WWP2: variants seen among roughly 807,000 people sequenced by gnomAD.
WWP2 encodes NEDD4-like E3 ubiquitin-protein ligase WWP2.
Under a neutral mutation model 121.0 loss-of-function variants are expected in WWP2, and 57 were observed. That is an observed-to-expected ratio of 0.47 (90% CI 0.38 to 0.59). The LOEUF is 0.59. Among genes scored for constraint, WWP2 ranks in the 20% least tolerant of loss-of-function variants. The pLI, the probability that WWP2 is intolerant of heterozygous loss-of-function variation, is 0.00. For synonymous variants in WWP2, 449 were observed against 441.3 expected (o/e 1.02, Z -0.22); for missense variants, 962 against 1,158.9 (o/e 0.83, Z 2.47).
chr16:69,914,257 G>A (rs2058446385), intron 9 of WWP2, among the ~76,000 whole-genome samples: 1 of 152,002 alleles, frequency 6.6e-6, no homozygotes, highest in African/African-American at 2.4e-5. Context: ...CAGAACTCAA[G>A]TATCCAGATT....
At chr16:69,917,947 C>T (rs1296022270) in intron 10 of WWP2, 64 bp downstream of exon 10, 126 of 1,566,864 alleles carry the variant, frequency 8.0e-5, no homozygotes, top group Non-Finnish European at 7.2e-5. Context: ...TGTGCAGCCA[C>T]GTGTTCTCTG....
intron 6 of WWP2, 167 bp from the exon 7 acceptor site, chr16:69,871,637 T>C: frequency 1.1e-6 from 1 of 917,290 alleles, no homozygotes; most frequent in Non-Finnish European, 1.6e-6. Context: ...CTTCCCTGGG[T>C]CTCTCTGCTT....
rs2058851029 is a variant in WWP2, at chr16:69,939,703, T to G, written c.2514-138T>G. The stretch of plus-strand genomic sequence containing the variant: ...CACCCCATGGTCCAGGCACCTGCAA[T>G]GTGAAGGCCTGACTGGCAGCCCCTG... On this transcript the variant is annotated intron_variant, in intron 23 of 23. Transcript: ENST00000359154. The G allele has an allele frequency of 1.8e-5, 13 of 739,188 alleles. No homozygotes were observed. The South Asian group carries it at 2.1e-4, about 12-fold the overall frequency. 45.8% of individuals were successfully genotyped at this position (739,188 alleles called of 1,614,324 possible).
chr16:69,890,427 A>T (rs2058005233), intron 8 of WWP2, among the ~76,000 whole-genome samples: 2 of 152,146 alleles, frequency 1.3e-5, no homozygotes, highest in Non-Finnish European at 2.9e-5. Context: ...AAGCTCACTA[A>T]TCAATTGCTT....
At chr16:69,783,339 G>C (rs2055705758) in intron 1 of WWP2, among the ~76,000 whole-genome samples, 1 of 152,042 alleles carries the variant, frequency 6.6e-6, no homozygotes, top group South Asian at 2.1e-4. Flanking sequence ...GTAATATGGT[G>C]AATTAATAAC....
chr16:69,838,728 A>G lies in WWP2; in HGVS notation c.341-1398A>G, dbSNP rs991009223. The G allele has an allele frequency of 3.9e-5, 38 of 985,310 alleles. No individual in the cohort carries two copies. In the South Asian group the frequency reaches 1.2e-3, roughly 32 times the overall value. The allele number at this position is 985,310 out of a possible 1,614,324, so 61.0% of individuals were successfully genotyped here. On this transcript the variant is annotated intron_variant, in intron 4 of 23. Coordinates refer to ENST00000359154, the MANE Select transcript of WWP2 (RefSeq NM_001270454.2). The stretch of plus-strand genomic sequence containing the variant: ...AAGGAACTCGTTTCCTTTGGAAACT[A>G]CAAGTGTTATTTTATAGAAACGTTT...
intron 1 of WWP2, among the ~76,000 whole-genome samples, chr16:69,781,596 C>T (rs1438602750): frequency 1.3e-5 from 2 of 151,974 alleles, no homozygotes; most frequent in South Asian, 2.1e-4. Flanking sequence ...GTGATCCGCC[C>T]GCCTCAGCCT....
intron 9 of WWP2, among the ~76,000 whole-genome samples, chr16:69,914,429 T>TCAG (rs57123109): frequency 0.76 from 114,737 of 151,702 alleles, 44,307 homozygotes; most frequent in East Asian, 0.96. Flanking sequence ...ATCCTTCTTC[T>TCAG]CAGCTGTAGA....
intron 13 of WWP2, among the ~76,000 whole-genome samples, chr16:69,930,515 G>A (rs2058696345): frequency 6.6e-6 from 1 of 152,094 alleles, no homozygotes; most frequent in Admixed American, 6.5e-5. Context: ...TGAGAAAAAT[G>A]GCAAGACCCC....
chr16:69,896,358 C>G (rs925519792), intron 8 of WWP2, among the ~76,000 whole-genome samples: 1 of 152,102 alleles, frequency 6.6e-6, no homozygotes, highest in Non-Finnish European at 1.5e-5. Flanking sequence ...GAGGCTCAAG[C>G]GATCCTCCTA....
intron 4 of WWP2, among the ~76,000 whole-genome samples, chr16:69,817,766 C>G (rs1266825871): frequency 6.6e-6 from 1 of 150,626 alleles, no homozygotes; most frequent in Non-Finnish European, 1.5e-5. Flanking sequence ...TCAAGTGATC[C>G]TCCCACCTCA....
chr16:69,865,762 A>G (rs1310946421), intron 6 of WWP2, among the ~76,000 whole-genome samples: 1 of 152,186 alleles, frequency 6.6e-6, no homozygotes, highest in Non-Finnish European at 1.5e-5. Context: ...ATTTAAATGT[A>G]TTACTGTTAG....
chr16:69,910,243 TA>T, intron 9 of WWP2: 1 of 373,816 alleles, frequency 2.7e-6, no homozygotes, highest in Non-Finnish European at 3.7e-6. Context: ...AATAAAACTC[TA>T]ATATCATTAA....
intron 6 of WWP2, among the ~76,000 whole-genome samples, chr16:69,867,804 C>T (rs1047158735): frequency 3.9e-5 from 6 of 152,240 alleles, no homozygotes; most frequent in African/African-American, 1.2e-4. Flanking sequence ...TAACTGCTTT[C>T]TGCCTGCCCT....
chr16:69,792,998 G>A (rs139349122), intron 2 of WWP2, among the ~76,000 whole-genome samples: 6 of 152,060 alleles, frequency 3.9e-5, no homozygotes, highest in South Asian at 2.1e-4. Context: ...CCTTTAAACC[G>A]AATCTAATCA....
rs2055897808 is a variant in WWP2, at chr16:69,790,995, T to C, written c.70+3915T>C. On this transcript the variant is annotated intron_variant, in intron 2 of 23. Transcript: ENST00000359154. ...ATTGTTTTTGTAGTCTTGAAATATT[T>C]TAATTATATTTCTTGGAGTCTTTTG... 2.0e-5 allele frequency among the ~76,000 whole-genome samples: 3 copies of C among 152,326 alleles called. No individual in the cohort carries two copies. The South Asian group carries it at 6.2e-4, about 32-fold the overall frequency.
At position 69,848,508 on chromosome 16, in the gene WWP2, A is replaced by AAAG. The variant is rs546717440; in HGVS notation, c.575+6388_575+6389insAAG. ...TGTCAATAGCTAGGTGCAGTGGCTC[A>AAAG]TGCCTGTAATCCCAGCACTTTGGGA... On this transcript the variant is annotated intron_variant, in intron 6 of 23. Coordinates refer to ENST00000359154, the MANE Select transcript of WWP2 (RefSeq NM_001270454.2). Among the ~76,000 whole-genome samples, 764 of 151,316 alleles carry AAAG rather than the reference A, an allele frequency of 5.0e-3. 6 individuals are homozygous for AAAG. Among genetic ancestry groups the AAAG allele is most frequent in the African/African-American group, 0.018 (731 of 41,250 alleles).
rs772397704 is a variant in WWP2, at chr16:69,939,399, C to G, written c.2499C>G (p.Pro833=). 6.2e-7 allele frequency: 1 copy of G among 1,614,004 alleles called. No individual in the cohort carries two copies. Among genetic ancestry groups the G allele is most frequent in the Non-Finnish European group, 8.5e-7 (1 of 1,180,022 alleles). The change falls in exon 23 of 24, where the codon CCC becomes CCG. Residue 833 remains proline (P), a synonymous_variant. Coordinates refer to ENST00000359154, the MANE Select transcript of WWP2 (RefSeq NM_001270454.2). ...AAGTTGGCAAGGAAACCTGGCTGCC[C>G]AGAAGCCACACCTGGTGAGCCTGCT... ...IDKVGKETWL[P]RSHTCFNRLD... is the part of the protein sequence containing the mutation.
intron 6 of WWP2, among the ~76,000 whole-genome samples, chr16:69,868,619 A>G (rs1446760508): frequency 4.0e-5 from 6 of 151,206 alleles, no homozygotes; most frequent in Non-Finnish European, 5.9e-5. Flanking sequence ...CTATTAACCA[A>G]TTTTCTCCCT....
Sources: allele counts gnomAD v4.1 joint callset (sites outside exome capture counted in the v4.1 genomes callset), GRCh38; gene constraint gnomAD v4.1.1; transcripts MANE v1.5; gene names NCBI Gene and HGNC (gene_info 2026-07-23, HGNC 2026-07-21).